The following GZMA variants were observed in gnomAD, a reference collection of about 807,000 sequenced individuals.
GZMA encodes the protein CTL tryptase.
A neutral mutation model predicts 21.1 loss-of-function variants in GZMA; 17 were observed. That is an observed-to-expected ratio of 0.81 (90% confidence interval 0.55 to 1.21). GZMA has a LOEUF of 1.21. Ranked by LOEUF, GZMA falls within the 50% of genes most tolerant of loss-of-function variation. GZMA has a pLI of 0.00. For missense variants in GZMA, 306 were observed against 315.9 expected, an observed-to-expected ratio of 0.97 and a Z score of 0.24; for synonymous variants, 90 against 107.8, an observed-to-expected ratio of 0.83 and a Z score of 1.03.
At chr5:55,106,261 A>T (rs868099845) in intron 2 of GZMA, among the ~76,000 whole-genome samples, 128 of 2,598 alleles carry the variant, frequency 0.049, 56 homozygotes, top group Non-Finnish European at 0.13. Context: ...ATAAAATAAA[A>T]TAAATAAAAT....
At chr5:55,105,410 A>T in intron 1 of GZMA, 64 bp from the exon 2 acceptor site, 1 of 1,433,202 alleles carries the variant, frequency 7.0e-7, no homozygotes, top group Non-Finnish European at 9.6e-7. Context: ...TCTTAGAAAC[A>T]TGACTTTGTG....
intron 4 of GZMA, among the ~76,000 whole-genome samples, chr5:55,108,772 C>G (rs1460775421): frequency 6.6e-6 from 1 of 152,182 alleles, no homozygotes; most frequent in East Asian, 1.9e-4. Flanking sequence ...TTCCCCATTT[C>G]AGTACATTCC....
At chr5:55,105,014 A>G (rs1742362460) in intron 1 of GZMA, among the ~76,000 whole-genome samples, 1 of 152,232 alleles carries the variant, frequency 6.6e-6, no homozygotes, top group Admixed American at 6.5e-5. Context: ...ATATCGGTTC[A>G]TAAGCTATAT....
chr5:55,102,966 A>C (rs1369297494), intron 1 of GZMA, among the ~76,000 whole-genome samples: 1 of 151,846 alleles, frequency 6.6e-6, no homozygotes, highest in Admixed American at 6.6e-5. Flanking sequence ...GTTTGAGTCC[A>C]GGCTGGGCGA....
At position 55,105,456 on chromosome 5, in the gene GZMA, T is replaced by C; in HGVS notation, c.71-18T>C. 1 of 1,608,810 alleles carries C rather than the reference T, an allele frequency of 6.2e-7. No individual in the cohort carries two copies. Among genetic ancestry groups the C allele is most frequent in the Non-Finnish European group, 8.5e-7 (1 of 1,177,026 alleles). ...TGGGGGTGAGCACCAATCTGATTTG[T>C]CTTTTTCCATTGAACAGATGTCTGT... On this transcript the variant is annotated intron_variant, in intron 1 of 4. Transcript: ENST00000274306.
In GZMA at chr5:55,102,736, CCTG is replaced by C. The variant is rs756007769; in HGVS notation, c.57_59del (p.Leu20del). The C allele has an allele frequency of 6.3e-7, 1 of 1,599,966 alleles. No homozygotes were observed. Among genetic ancestry groups the C allele is most frequent in the South Asian group, 1.1e-5 (1 of 90,738 alleles). Reference sequence around the variant, plus strand: ...CCTCTCTCTCAGTTGTCGTTTCTCTCCTGCTAATTCCTGAAGGTAAGACTGATT... The same window carrying C: ...CCTCTCTCTCAGTTGTCGTTTCTCTCCTAATTCCTGAAGGTAAGACTGATT... On this transcript the variant is annotated inframe_deletion, in exon 1 of 5. Transcript: ENST00000274306.
At chr5:55,103,877 G>A (rs1388657991) in intron 1 of GZMA, among the ~76,000 whole-genome samples, 2 of 151,996 alleles carry the variant, frequency 1.3e-5, no homozygotes, top group Non-Finnish European at 2.9e-5. Flanking sequence ...ATGGTGGCAC[G>A]TGCCTGTAAT....
intron 4 of GZMA, 88 bp downstream of exon 4, chr5:55,108,482 C>T: frequency 4.5e-6 from 5 of 1,112,368 alleles, no homozygotes; most frequent in Non-Finnish European, 6.6e-6. Context: ...TTTGTCATGG[C>T]ACTGGCTTCT....
At chr5:55,104,686 A>C (rs895851151) in intron 1 of GZMA, among the ~76,000 whole-genome samples, 1 of 152,138 alleles carries the variant, frequency 6.6e-6, no homozygotes, top group Admixed American at 6.5e-5. Context: ...CTAAGACATA[A>C]GGTTCTCTCT....
chr5:55,105,078 T>C (rs915236254), intron 1 of GZMA, among the ~76,000 whole-genome samples: 2 of 152,212 alleles, frequency 1.3e-5, no homozygotes, highest in African/African-American at 4.8e-5. Context: ...AAAAGTCTTA[T>C]CTATTTCCCC....
chr5:55,109,324 C>T (rs928047379), intron 4 of GZMA, among the ~76,000 whole-genome samples: 2 of 152,310 alleles, frequency 1.3e-5, no homozygotes, highest in Admixed American at 6.5e-5. Context: ...CTTTTGGAAC[C>T]CACATGCAGC....
rs1561278541 is a variant in GZMA, at chr5:55,102,716, C to CT, written c.35dup (p.Ser13LeufsTer11). Reference sequence around the variant, plus strand: ...CTCCTATAGATTTCTGGCATCCTCTCTCTCAGTTGTCGTTTCTCTCCTGCT... The same window carrying CT: ...CTCCTATAGATTTCTGGCATCCTCTCTTCTCAGTTGTCGTTTCTCTCCTGCT... On this transcript the variant is annotated frameshift_variant, in exon 1 of 5. Transcript: ENST00000274306. LOFTEE classifies it high-confidence loss of function. The CT allele has an allele frequency of 6.2e-7, 1 of 1,610,444 alleles. No individual in the cohort carries two copies.
Position 55,110,161 on chromosome 5 carries a change from G to A in GZMA, c.768G>A (p.Met256Ile), listed in dbSNP as rs777304808. ...LSKKHLNWII[M>I]TIKGAV ...AGAAACACCTCAACTGGATAATTAT[G>A]ACTATCAAGGGAGCAGTTTAAATAA... Residue 256 changes from methionine to isoleucine, a missense_variant, in exon 5 of 5, where the codon ATG becomes ATA. Coordinates refer to ENST00000274306, the MANE Select transcript of GZMA (RefSeq NM_006144.4). 6.2e-7 allele frequency: 1 copy of A among 1,602,570 alleles called. No individual in the cohort carries two copies. Among genetic ancestry groups the A allele is most frequent in the Non-Finnish European group, 8.5e-7 (1 of 1,174,860 alleles).
rs1221873586 is a variant in GZMA at position 55,110,167 on chromosome 5, C to G, written c.774C>G (p.Ile258Met). Residue 258 changes from isoleucine to methionine, a missense_variant, in exon 5 of 5, where the codon ATC (isoleucine) becomes ATG (methionine). By Grantham distance (10) the Ile-to-Met change is conservative. Transcript: ENST00000274306. ...KKHLNWIIMTIKGAV is the reference protein window; with the variant it reads ...KKHLNWIIMTMKGAV ...ACCTCAACTGGATAATTATGACTAT[C>G]AAGGGAGCAGTTTAAATAACCGTTT... 1.3e-6 allele frequency: 2 copies of G among 1,594,230 alleles called. No homozygotes were observed. The highest frequency in any genetic ancestry group is 1.7e-6 in the Non-Finnish European group (2 of 1,172,308).
In GZMA at chr5:55,105,561, T is replaced by C. The variant is rs1301116291; in HGVS notation, c.158T>C (p.Ile53Thr). ...MVLLSLDRKTICAGALIAKDW... is the reference protein window; with the variant it reads ...MVLLSLDRKTTCAGALIAKDW... ...CTACTTAGTCTTGACAGAAAAACCA[T>C]CTGTGCTGGGGCTTTGATTGCAAAA... is the stretch of plus-strand genomic sequence containing the variant. The change falls in exon 2 of 5, where the codon ATC becomes ACC. Residue 53 changes from isoleucine (I) to threonine (T), a missense_variant. Physicochemically the swap from Ile to Thr is moderately conservative, Grantham distance 89. Transcript: ENST00000274306. The C allele has an allele frequency of 4.3e-6, 7 of 1,613,672 alleles. No homozygotes were observed. The highest frequency in any genetic ancestry group is 5.9e-6 in the Non-Finnish European group (7 of 1,179,588).
rs778742153 is a variant in GZMA at position 55,108,342 on chromosome 5, G to C, written c.575G>C (p.Gly192Ala). The change falls in exon 4 of 5, where the codon GGA (glycine) becomes GCA (alanine). Residue 192 changes from glycine (G) to alanine (A), a missense_variant. Coordinates refer to ENST00000274306, the MANE Select transcript of GZMA (RefSeq NM_006144.4). ...CACTATAATTTTAACCCTGTGATTGGAATGAATATGGTTTGTGCTGGAAGC... is the reference window on the plus strand; with the variant it reads ...CACTATAATTTTAACCCTGTGATTGCAATGAATATGGTTTGTGCTGGAAGC... ...RNHYNFNPVI[G>A]MNMVCAGSLR... The C allele has an allele frequency of 1.1e-5, 18 of 1,613,238 alleles. No homozygotes were observed. The highest frequency in any genetic ancestry group is 1.5e-5 in the Non-Finnish European group (18 of 1,179,236).
intron 2 of GZMA, among the ~76,000 whole-genome samples, chr5:55,106,908 T>C (rs958998762): frequency 6.6e-6 from 1 of 152,234 alleles, no homozygotes; most frequent in Non-Finnish European, 1.5e-5. Context: ...AAGTCCTCAG[T>C]AGCCACATGT....
chr5:55,105,160 C>T (rs1454308857), intron 1 of GZMA, among the ~76,000 whole-genome samples: 2 of 152,164 alleles, frequency 1.3e-5, no homozygotes, highest in Non-Finnish European at 2.9e-5. Context: ...CCTGCAGCAA[C>T]TGTTGATGGT....
At chr5:55,104,172 T>C (rs986440512) in intron 1 of GZMA, among the ~76,000 whole-genome samples, 3 of 152,216 alleles carry the variant, frequency 2.0e-5, no homozygotes, top group African/African-American at 7.2e-5. Flanking sequence ...AATCCAGCCA[T>C]ATCTTTTCTT....
Sources: gnomAD v4.1 joint callset for allele counts (sites outside exome capture counted in the v4.1 genomes callset) on GRCh38, gnomAD v4.1.1 for gene constraint, MANE v1.5 for transcripts, NCBI Gene and HGNC (gene_info 2026-07-23, HGNC 2026-07-21) for gene names.